The following CACNG4 variants were observed in gnomAD, a reference collection of about 807,000 sequenced individuals.
The protein encoded by CACNG4 is calcium voltage-gated channel auxiliary subunit gamma 4.
Under a neutral mutation model 22.9 loss-of-function variants are expected in CACNG4, and 8 were observed. The ratio of observed to expected loss-of-function variants is 0.35; its 90% CI spans 0.21 to 0.63. CACNG4 has a LOEUF of 0.63. Among genes scored for constraint, CACNG4 ranks in the 30% least tolerant of loss-of-function variants. The pLI is 0.72. For synonymous variants in CACNG4, 188 were observed against 191.9 expected (o/e 0.98, Z 0.17); for missense variants, 357 against 455.4 (o/e 0.78, Z 1.97).
chr17:67,020,008 A>G (rs1190073219), intron 2 of CACNG4: 2 of 152,288 alleles, frequency 1.3e-5, no homozygotes, highest in Non-Finnish European at 2.9e-5. Flanking sequence ...AGGGCTGGAG[A>G]GCACCCCGGG....
chr17:66,981,122 A>C (rs548040147), intron 1 of CACNG4, among the ~76,000 whole-genome samples: 1 of 152,088 alleles, frequency 6.6e-6, no homozygotes, highest in Non-Finnish European at 1.5e-5. Context: ...CAATGCAGAG[A>C]CACAAGCTTC....
chr17:66,969,407 A>G (rs927865218), intron 1 of CACNG4, among the ~76,000 whole-genome samples: 1 of 152,208 alleles, frequency 6.6e-6, no homozygotes, highest in African/African-American at 2.4e-5. Context: ...GGGCCTTAAT[A>G]TAGCAGACTT....
intron 1 of CACNG4, among the ~76,000 whole-genome samples, chr17:67,000,689 G>A (rs2035402999): frequency 6.6e-6 from 1 of 152,198 alleles, no homozygotes; most frequent in African/African-American, 2.4e-5. Flanking sequence ...GCCACTTTGG[G>A]AGGGTGCTAG....
intron 1 of CACNG4, among the ~76,000 whole-genome samples, chr17:67,006,597 C>T (rs898957808): frequency 2.0e-5 from 3 of 152,152 alleles, no homozygotes; most frequent in Non-Finnish European, 4.4e-5. Context: ...TCCCAGACAC[C>T]CCATTCAGCA....
At chr17:66,989,456 A>G (rs1377806185) in intron 1 of CACNG4, among the ~76,000 whole-genome samples, 1 of 151,526 alleles carries the variant, frequency 6.6e-6, no homozygotes, top group South Asian at 2.1e-4. Flanking sequence ...AGAGAAAAGC[A>G]TGGGGCAGAT....
intron 1 of CACNG4, among the ~76,000 whole-genome samples, chr17:67,011,595 T>C (rs2056739805): frequency 6.6e-6 from 1 of 152,130 alleles, no homozygotes; most frequent in African/African-American, 2.4e-5. Flanking sequence ...ACTTAGAACA[T>C]TGCTATGGGC....
chr17:66,985,607 T>C (rs114672665), intron 1 of CACNG4, among the ~76,000 whole-genome samples: 2,357 of 152,260 alleles, frequency 0.015, 27 homozygotes, highest in African/African-American at 0.035. Flanking sequence ...CAGGGGAATA[T>C]ACAGAGGCAC....
chr17:66,991,976 C>T (rs577620125), intron 1 of CACNG4, among the ~76,000 whole-genome samples: 6 of 152,324 alleles, frequency 3.9e-5, no homozygotes, highest in African/African-American at 1.2e-4. Flanking sequence ...GCCTGCCCAC[C>T]CAACTCACTC....
chr17:66,973,157 T>A (rs941511752), intron 1 of CACNG4, among the ~76,000 whole-genome samples: 1 of 151,736 alleles, frequency 6.6e-6, no homozygotes, highest in African/African-American at 2.4e-5. Flanking sequence ...GGAGAATTGC[T>A]TAAACCTGGG....
chr17:67,017,478 C>T (rs548058453), intron 1 of CACNG4, among the ~76,000 whole-genome samples: 6 of 151,900 alleles, frequency 3.9e-5, no homozygotes, highest in African/African-American at 1.4e-4. Context: ...CCCCTGTGCC[C>T]CATTCCCAGT....
chr17:66,978,846 C>G lies in CACNG4; in HGVS notation c.220+13715C>G, dbSNP rs553945021. Among the ~76,000 whole-genome samples the G allele has an allele frequency of 1.3e-3, 204 of 152,372 alleles. 1 individual carries two copies. Among genetic ancestry groups the G allele is most frequent in the South Asian group, 4.8e-3 (23 of 4,832 alleles). ...TTGCATGAAAAATGGCTTTGGTTGTCTTTCTGCCTGCGGATTCCTGAGCGT... is the reference window on the plus strand; with the variant it reads ...TTGCATGAAAAATGGCTTTGGTTGTGTTTCTGCCTGCGGATTCCTGAGCGT... On this transcript the variant is annotated intron_variant, in intron 1 of 3. Transcript: ENST00000262138.
intron 1 of CACNG4, among the ~76,000 whole-genome samples, chr17:66,995,723 A>G (rs2035369903): frequency 6.6e-6 from 1 of 152,070 alleles, no homozygotes; most frequent in African/African-American, 2.4e-5. Flanking sequence ...GATGGTGGGC[A>G]CCTGTAATCC....
chr17:67,020,855 G>A (rs888475343), intron 2 of CACNG4, among the ~76,000 whole-genome samples: 4 of 152,116 alleles, frequency 2.6e-5, no homozygotes, highest in South Asian at 2.1e-4. Flanking sequence ...GGTCTCTGGC[G>A]GCTGATATTT....
chr17:66,983,174 ACTTC>A (rs1430459018), intron 1 of CACNG4, among the ~76,000 whole-genome samples: 3 of 152,108 alleles, frequency 2.0e-5, no homozygotes, highest in Admixed American at 1.3e-4. Flanking sequence ...TGCAGAGTTC[ACTTC>A]CTCCTCACAA....
At chr17:66,972,888 C>T (rs932332343) in intron 1 of CACNG4, among the ~76,000 whole-genome samples, 53 of 151,688 alleles carry the variant, frequency 3.5e-4, no homozygotes, top group African/African-American at 1.2e-3. Context: ...ATCCCACCAC[C>T]GCACTCCAGC....
At position 66,984,865 on chromosome 17, in the gene CACNG4, C is replaced by T. The variant is rs564502304; in HGVS notation, c.220+19734C>T. ...TCGAGCCTGAGCCTGCCTCAGGGTCCCCAGGGTTACCAGGCTGGGAGTCTG... is the reference window on the plus strand; with the variant it reads ...TCGAGCCTGAGCCTGCCTCAGGGTCTCCAGGGTTACCAGGCTGGGAGTCTG... On this transcript the variant is annotated intron_variant, in intron 1 of 3. Coordinates refer to ENST00000262138, the MANE Select transcript of CACNG4 (RefSeq NM_014405.4). This position sits in a 1 kb window ranked among gnomAD's most constrained non-coding sequence, Gnocchi z 4.0. Among the ~76,000 whole-genome samples, 1 of 152,184 alleles carries T rather than the reference C, an allele frequency of 6.6e-6. No individual in the cohort carries two copies. The highest frequency in any genetic ancestry group is 2.1e-4 in the South Asian group (1 of 4,816).
At chr17:67,007,161 C>T (rs1426441898) in intron 1 of CACNG4, among the ~76,000 whole-genome samples, 2 of 151,538 alleles carry the variant, frequency 1.3e-5, no homozygotes, top group African/African-American at 4.8e-5. Flanking sequence ...GGTGACAGAG[C>T]GAGACTCTAT....
chr17:66,985,515 A>G (rs1007414234), intron 1 of CACNG4, among the ~76,000 whole-genome samples: 9 of 152,168 alleles, frequency 5.9e-5, no homozygotes, highest in African/African-American at 2.2e-4. Flanking sequence ...CTTGGCCTCT[A>G]TCAGCCTGGG....
At chr17:67,024,138 C>T (rs113918474) in intron 2 of CACNG4, among the ~76,000 whole-genome samples, 94 of 152,286 alleles carry the variant, frequency 6.2e-4, no homozygotes, top group Non-Finnish European at 8.1e-4. Context: ...CCCTCTCGGC[C>T]CAGCCACACC....
Sources: allele counts gnomAD v4.1 joint callset (sites outside exome capture counted in the v4.1 genomes callset), GRCh38; gene constraint gnomAD v4.1.1; non-coding constraint Gnocchi (gnomAD v3.1); transcripts MANE v1.5; gene names NCBI Gene and HGNC (gene_info 2026-07-23, HGNC 2026-07-21).